The following GTPBP10 variants were observed in gnomAD, a reference collection of about 807,000 sequenced individuals.
The protein encoded by GTPBP10 is GTP binding protein 10.
GTPBP10 carries 38 observed loss-of-function variants against 44.8 expected under a neutral mutation model. The observed-to-expected ratio is 0.85, with a 90% CI of 0.65 to 1.11. The LOEUF is 1.11. Among genes scored for constraint, GTPBP10 ranks in the 50% most tolerant of loss-of-function variants. GTPBP10 has a pLI of 0.00. For missense variants in GTPBP10, 462 were observed against 453.7 expected (o/e 1.02, Z -0.17); for synonymous variants, 152 against 150.6 (o/e 1.01, Z -0.07).
intron 6 of GTPBP10, among the ~76,000 whole-genome samples, chr7:90,376,152 G>A (rs531465350): frequency 2.0e-5 from 3 of 149,478 alleles, no homozygotes; most frequent in South Asian, 2.1e-4. Flanking sequence ...GGAGAATGGC[G>A]TGAACCTGGG....
At chr7:90,371,880 TTC>T (rs1220999771) in intron 4 of GTPBP10, among the ~76,000 whole-genome samples, 2 of 152,090 alleles carry the variant, frequency 1.3e-5, no homozygotes, top group Non-Finnish European at 2.9e-5. Flanking sequence ...TTTCTTTAAT[TTC>T]TGTTTTTTCT....
chr7:90,358,991 A>G (rs1173776627), intron 4 of GTPBP10, among the ~76,000 whole-genome samples: 1 of 152,186 alleles, frequency 6.6e-6, no homozygotes, highest in African/African-American at 2.4e-5. Context: ...CATATAAGAA[A>G]ATGTTCAACA....
In GTPBP10 at chr7:90,352,939, AT is replaced by A. The variant is rs1562953296; in HGVS notation, c.158del (p.Met53ArgfsTer3). On this transcript the variant is annotated frameshift_variant, in exon 2 of 10. Transcript: ENST00000222511. LOFTEE classifies it high-confidence loss of function. Reference sequence around the variant, plus strand: ...TGTCTGGGTTGTAGCCCAGAACAGAATGACTTTAAAACAACTTAAAGACAGG... The same window carrying A: ...TGTCTGGGTTGTAGCCCAGAACAGAAGACTTTAAAACAACTTAAAGACAGG... Reference protein sequence around the residue: ...GDVWVVAQNRMTLKQLKDRYP... With the variant: ...GDVWVVAQNRXTLKQLKDRYP... 3.1e-6 allele frequency: 5 copies of A among 1,613,928 alleles called. No individual in the cohort carries two copies. The highest frequency in any genetic ancestry group is 3.4e-6 in the Non-Finnish European group (4 of 1,179,878).
At chr7:90,382,408 A>G (rs958274478) in intron 8 of GTPBP10, among the ~76,000 whole-genome samples, 3 of 152,142 alleles carry the variant, frequency 2.0e-5, no homozygotes, top group Non-Finnish European at 4.4e-5. Context: ...ATGAGCCACC[A>G]TGCCCAGTCT....
At chr7:90,367,195 T>A (rs1796151371) in intron 4 of GTPBP10, among the ~76,000 whole-genome samples, 1 of 152,188 alleles carries the variant, frequency 6.6e-6, no homozygotes, top group Admixed American at 6.5e-5. Context: ...CTGAGGAGTG[T>A]TTTACTTCTC....
intron 4 of GTPBP10, 75 bp from the exon 5 acceptor site, chr7:90,372,080 A>C (rs1333386678): frequency 3.6e-5 from 30 of 836,412 alleles, no homozygotes; most frequent in Non-Finnish European, 5.2e-5. Flanking sequence ...TATATTCATG[A>C]AGTCTACTTG....
chr7:90,388,034 T>C lies in GTPBP10; in HGVS notation c.*2880T>C, dbSNP rs1303319707. ...TGTTCAGGATTATTTGCTCTGTCAG[T>C]AGTGCCCAGGGTGCCACTCCATGAC... On this transcript the variant is annotated 3_prime_UTR_variant, in exon 10 of 10. Coordinates refer to ENST00000222511, the MANE Select transcript of GTPBP10 (RefSeq NM_033107.4). 6.6e-6 allele frequency: 1 copy of C among 152,212 alleles called. No individual in the cohort carries two copies. The highest frequency in any genetic ancestry group is 1.5e-5 in the Non-Finnish European group (1 of 68,042). The allele number at this position is 152,212 out of a possible 1,614,324, so 9.4% of individuals were successfully genotyped here.
chr7:90,361,927 T>A (rs1458632094), intron 4 of GTPBP10, among the ~76,000 whole-genome samples: 3 of 152,220 alleles, frequency 2.0e-5, no homozygotes, highest in Non-Finnish European at 4.4e-5. Flanking sequence ...TAGAGGTGTT[T>A]ATAGTATTGT....
rs1291924004 is a variant in GTPBP10 at position 90,391,294 on chromosome 7, G to A, written c.*6140G>A. On this transcript the variant is annotated 3_prime_UTR_variant, in exon 10 of 10. Coordinates refer to ENST00000222511, the MANE Select transcript of GTPBP10 (RefSeq NM_033107.4). Reference sequence around the variant, plus strand: ...TGACTGAAACTGAGGATGGGAGGAAGGGATGCTTAAAACCTTGGATAGTAC... The same window carrying A: ...TGACTGAAACTGAGGATGGGAGGAAAGGATGCTTAAAACCTTGGATAGTAC... 3 of 152,070 alleles carry A rather than the reference G, an allele frequency of 2.0e-5. No individual in the cohort carries two copies. Among genetic ancestry groups the A allele is most frequent in the Non-Finnish European group, 4.4e-5 (3 of 68,020 alleles). 9.4% of individuals were successfully genotyped at this position (152,070 alleles called of 1,614,324 possible). A position where few individuals can be genotyped will look rare whatever the true frequency, so the allele number is the denominator to read the frequency against.
chr7:90,351,113 A>G (rs1168217708), intron 1 of GTPBP10, among the ~76,000 whole-genome samples: 1 of 152,248 alleles, frequency 6.6e-6, no homozygotes, highest in East Asian at 1.9e-4. Flanking sequence ...CGGGATAGTT[A>G]CAGGAGGTAA....
chr7:90,364,135 C>T (rs1309957064), intron 4 of GTPBP10, among the ~76,000 whole-genome samples: 1 of 152,228 alleles, frequency 6.6e-6, no homozygotes, highest in African/African-American at 2.4e-5. Flanking sequence ...TCTCTCAACT[C>T]ATCAAAGTCA....
intron 4 of GTPBP10, among the ~76,000 whole-genome samples, chr7:90,360,765 C>T (rs140525572): frequency 5.7e-4 from 87 of 152,260 alleles, no homozygotes; most frequent in African/African-American, 2.1e-3. Flanking sequence ...TTCTTCCTAT[C>T]GATGAGCATG....
At chr7:90,353,046 C>G (rs752622212) in intron 2 of GTPBP10, 37 bp downstream of exon 2, 9 of 1,395,602 alleles carry the variant, frequency 6.4e-6, no homozygotes, top group Non-Finnish European at 7.7e-6. Context: ...TTTAGAAAAT[C>G]AAACCCTTCT....
intron 4 of GTPBP10, among the ~76,000 whole-genome samples, chr7:90,369,213 C>T (rs1796201988): frequency 6.6e-6 from 1 of 152,150 alleles, no homozygotes; most frequent in African/African-American, 2.4e-5. Context: ...TCTCTTGGCC[C>T]CTACTGGGAG....
chr7:90,372,317 G>A (rs562147646), intron 5 of GTPBP10, 89 bp downstream of exon 5: 702 of 951,012 alleles, frequency 7.4e-4, no homozygotes, highest in Non-Finnish European at 9.9e-4. Context: ...ATGATAACTC[G>A]GAGGGTATCC....
At chr7:90,378,527 C>G (rs976288815) in intron 8 of GTPBP10, among the ~76,000 whole-genome samples, 2 of 152,104 alleles carry the variant, frequency 1.3e-5, no homozygotes, top group Middle Eastern at 3.2e-3. Context: ...TCTTCTGGTT[C>G]TATTTCTACT....
intron 4 of GTPBP10, among the ~76,000 whole-genome samples, chr7:90,366,800 G>A (rs1796144043): frequency 6.6e-6 from 1 of 150,514 alleles, no homozygotes; most frequent in South Asian, 2.1e-4. Flanking sequence ...TTTCTGCTCT[G>A]ATCTTAGTTA....
chr7:90,388,533 T>A lies in GTPBP10; in HGVS notation c.*3379T>A, dbSNP rs1025776006. 8 of 152,154 alleles carry A rather than the reference T, an allele frequency of 5.3e-5. No homozygotes were observed. The highest frequency in any genetic ancestry group is 1.9e-4 in the African/African-American group (8 of 41,450). The allele number at this position is 152,154 out of a possible 1,614,324, so 9.4% of individuals were successfully genotyped here. A position where few individuals can be genotyped will look rare whatever the true frequency, so the allele number is the denominator to read the frequency against. On this transcript the variant is annotated 3_prime_UTR_variant, in exon 10 of 10. Transcript: ENST00000222511. ...ACACTGAAAAATTCCAAAATACCTA[T>A]TATGTTGTGCTTTTTGTGATATATA... is the stretch of plus-strand genomic sequence containing the variant.
chr7:90,347,289 TTATCC>T (rs1795696018), intron 1 of GTPBP10, among the ~76,000 whole-genome samples: 1 of 152,232 alleles, frequency 6.6e-6, no homozygotes, highest in Non-Finnish European at 1.5e-5. Flanking sequence ...TTTTTAAATC[TTATCC>T]TATCAGTAAT....
Sources: gnomAD v4.1 joint callset for allele counts (sites outside exome capture counted in the v4.1 genomes callset) on GRCh38, gnomAD v4.1.1 for gene constraint, MANE v1.5 for transcripts, NCBI Gene and HGNC (gene_info 2026-07-23, HGNC 2026-07-21) for gene names.